Variants in NCOA2 observed in about 807,000 individuals in gnomAD.
The protein encoded by NCOA2 is nuclear receptor coactivator 2.
In NCOA2, 21 loss-of-function variants were observed where a neutral mutation model predicts 145.1. The ratio of observed to expected loss-of-function variants is 0.14; its 90% confidence interval spans 0.10 to 0.21. The LOEUF is 0.21. Among genes scored for constraint, NCOA2 ranks in the 10% least tolerant of loss-of-function variants. NCOA2 has a pLI of 1.00. For synonymous variants in NCOA2, 619 were observed against 637.5 expected (o/e 0.97, Z 0.44); for missense variants, 1,472 against 1,837.6 (o/e 0.80, Z 3.64).
intron 1 of NCOA2, among the ~76,000 whole-genome samples, chr8:70,309,023 T>C (rs1828101785): frequency 6.6e-6 from 1 of 152,178 alleles, no homozygotes; most frequent in African/African-American, 2.4e-5. Context: ...TGCTTCAGCC[T>C]GGGACTCCTG....
At chr8:70,128,540 T>C (rs1445059500) in intron 17 of NCOA2, 30 bp from the exon 18 acceptor site, 1 of 1,603,376 alleles carries the variant, frequency 6.2e-7, no homozygotes, top group African/African-American at 1.3e-5. Flanking sequence ...ATGAATACAT[T>C]TTAAGAACAG....
At chr8:70,443,701 G>C in the NCOA2 span, among the ~76,000 whole-genome samples, 2 of 151,976 alleles carry the variant, frequency 1.3e-5, no homozygotes, top group South Asian at 4.2e-4. Flanking sequence ...GAGTAGCTGG[G>C]ACTACAGGCA....
chr8:70,239,425 T>C (rs1284319125), intron 2 of NCOA2, among the ~76,000 whole-genome samples: 1 of 152,128 alleles, frequency 6.6e-6, no homozygotes, highest in South Asian at 2.1e-4. Flanking sequence ...AGACCTACAG[T>C]CTTTGTTGAT....
At chr8:70,265,825 T>C (rs907739323) in intron 2 of NCOA2, among the ~76,000 whole-genome samples, 1 of 152,094 alleles carries the variant, frequency 6.6e-6, no homozygotes, top group Non-Finnish European at 1.5e-5. Context: ...GTTGTTGTTG[T>C]TGTTGTTGTT....
chr8:70,314,486 G>A (rs1211901439), intron 1 of NCOA2, among the ~76,000 whole-genome samples: 3 of 152,042 alleles, frequency 2.0e-5, no homozygotes, highest in Non-Finnish European at 2.9e-5. Flanking sequence ...ACCATCTCCA[G>A]TGCCTAAATT....
intron 2 of NCOA2, among the ~76,000 whole-genome samples, chr8:70,223,870 G>A (rs896714715): frequency 6.6e-6 from 1 of 152,226 alleles, no homozygotes; most frequent in Admixed American, 6.5e-5. Context: ...TTTCACTGAA[G>A]AGAGAAATTT....
At chr8:70,129,422 C>A (rs1808826701) in intron 16 of NCOA2, among the ~76,000 whole-genome samples, 1 of 152,228 alleles carries the variant, frequency 6.6e-6, no homozygotes, top group South Asian at 2.1e-4. Context: ...GGGGTACTGA[C>A]CATCATTATC....
intron 1 of NCOA2, among the ~76,000 whole-genome samples, chr8:70,302,044 AAC>A (rs1159791703): frequency 6.6e-6 from 1 of 152,186 alleles, no homozygotes; most frequent in African/African-American, 2.4e-5. Context: ...CAAACTCTCA[AAC>A]ACAAAAAACA....
chr8:70,339,201 G>A (rs911510785), intron 1 of NCOA2, among the ~76,000 whole-genome samples: 3 of 152,048 alleles, frequency 2.0e-5, no homozygotes, highest in Non-Finnish European at 4.4e-5. Flanking sequence ...GTCTCAGCCC[G>A]AAAGCTTCCT....
At chr8:70,137,459 G>A (rs1809861505) in intron 15 of NCOA2, among the ~76,000 whole-genome samples, 1 of 152,198 alleles carries the variant, frequency 6.6e-6, no homozygotes, top group South Asian at 2.1e-4. Context: ...CAACTAACAG[G>A]TGGTGGATTT....
intron 2 of NCOA2, among the ~76,000 whole-genome samples, chr8:70,240,445 G>A (rs1275696075): frequency 6.6e-6 from 1 of 152,096 alleles, no homozygotes; most frequent in Non-Finnish European, 1.5e-5. Context: ...AACAGGAGAT[G>A]CTCTGTCTTG....
At chr8:70,342,329 G>A (rs1035503075) in intron 1 of NCOA2, among the ~76,000 whole-genome samples, 3 of 152,100 alleles carry the variant, frequency 2.0e-5, no homozygotes, top group Non-Finnish European at 4.4e-5. Context: ...GAGGCCTGTA[G>A]AAAATCAAAG....
chr8:70,337,075 G>A (rs2136392461), intron 1 of NCOA2, among the ~76,000 whole-genome samples: 1 of 152,256 alleles, frequency 6.6e-6, no homozygotes, highest in East Asian at 1.9e-4. Flanking sequence ...TGGAGCAGGA[G>A]CACTCACAAA....
intron 13 of NCOA2, among the ~76,000 whole-genome samples, chr8:70,142,702 A>C (rs1037711164): frequency 3.9e-5 from 6 of 152,180 alleles, no homozygotes; most frequent in African/African-American, 1.4e-4. Flanking sequence ...CTGTCTCAAA[A>C]ATAAACTAAA....
intron 11 of NCOA2, among the ~76,000 whole-genome samples, chr8:70,155,146 G>A (rs758567164): frequency 1.3e-5 from 2 of 152,190 alleles, no homozygotes; most frequent in Non-Finnish European, 2.9e-5. Context: ...AGCACATAAT[G>A]TAGCCTATTA....
chr8:70,420,379 T>C, the NCOA2 span, among the ~76,000 whole-genome samples: 2 of 152,162 alleles, frequency 1.3e-5, no homozygotes, highest in Admixed American at 6.5e-5. Context: ...GAGAATCATG[T>C]CCCCATCCCA....
the NCOA2 span, among the ~76,000 whole-genome samples, chr8:70,420,726 C>T: frequency 6.6e-6 from 1 of 152,180 alleles, no homozygotes; most frequent in Admixed American, 6.5e-5. Context: ...CTCTCTGCAA[C>T]CTCCACCTCC....
At chr8:70,335,329 T>C (rs139655083) in intron 1 of NCOA2, among the ~76,000 whole-genome samples, 3 of 152,098 alleles carry the variant, frequency 2.0e-5, no homozygotes, top group African/African-American at 7.2e-5. Flanking sequence ...ATGTGTGTCA[T>C]CTCAAAAGCA....
intron 2 of NCOA2, among the ~76,000 whole-genome samples, chr8:70,240,525 G>C (rs1822034295): frequency 6.6e-6 from 1 of 151,842 alleles, no homozygotes; most frequent in Non-Finnish European, 1.5e-5. Context: ...TTGCATTTTT[G>C]TTCTTCTGAT....
Sources: allele counts gnomAD v4.1 joint callset (sites outside exome capture counted in the v4.1 genomes callset), GRCh38; gene constraint gnomAD v4.1.1; transcripts MANE v1.5; gene names NCBI Gene and HGNC (gene_info 2026-07-23, HGNC 2026-07-21).